COBL: variants seen among roughly 807,000 people sequenced by gnomAD.
COBL encodes protein cordon-bleu.
COBL carries 51 observed loss-of-function variants against 98.8 expected under a neutral mutation model. The observed-to-expected ratio is 0.52, with a 90% CI of 0.41 to 0.65. The LOEUF (loss-of-function observed/expected upper bound fraction) is 0.65, where lower values mean the gene tolerates loss of function less well. Among genes scored for constraint, COBL ranks in the 30% least tolerant of loss-of-function variants. The pLI is 0.00. For synonymous variants in COBL, 634 were observed against 651.7 expected, an observed-to-expected ratio of 0.97 and a Z score of 0.41; for missense variants, 1,617 against 1,617.5, an observed-to-expected ratio of 1.00 and a Z score of 0.01.
At chr7:51,174,911 T>G (rs1377390097) in intron 5 of COBL, among the ~76,000 whole-genome samples, 9 of 152,228 alleles carry the variant, frequency 5.9e-5, no homozygotes, top group African/African-American at 2.2e-4. Flanking sequence ...ATATCTGGTC[T>G]AAGTCGGCAG....
At chr7:51,144,498 G>A (rs1784844784) in intron 5 of COBL, among the ~76,000 whole-genome samples, 1 of 152,324 alleles carries the variant, frequency 6.6e-6, no homozygotes, top group East Asian at 1.9e-4. Flanking sequence ...GCCAGATCAA[G>A]CATTGGCTGT....
At chr7:51,166,138 TGAA>T (rs756614595) in intron 5 of COBL, among the ~76,000 whole-genome samples, 4 of 151,680 alleles carry the variant, frequency 2.6e-5, no homozygotes, top group African/African-American at 7.3e-5. Context: ...GAAATTAAAA[TGAA>T]GACAATAATA....
intron 1 of COBL, among the ~76,000 whole-genome samples, chr7:51,246,084 T>C (rs930931778): frequency 2.6e-5 from 4 of 152,202 alleles, no homozygotes; most frequent in African/African-American, 9.7e-5. Context: ...AAATATCTAG[T>C]AGCATTTAGA....
intron 8 of COBL, among the ~76,000 whole-genome samples, chr7:51,036,285 C>G (rs1788625155): frequency 7.4e-6 from 1 of 134,534 alleles, no homozygotes; most frequent in Non-Finnish European, 1.5e-5. Context: ...TGCAGTGAGC[C>G]AAGATCGCAC....
intron 5 of COBL, among the ~76,000 whole-genome samples, chr7:51,157,995 T>C (rs1786362797): frequency 6.6e-6 from 1 of 152,204 alleles, no homozygotes; most frequent in Non-Finnish European, 1.5e-5. Context: ...TCACTATACT[T>C]CTTAAAATAT....
chr7:51,018,968 T>A (rs554884353), intron 12 of COBL, among the ~76,000 whole-genome samples: 5 of 136,082 alleles, frequency 3.7e-5, no homozygotes, highest in South Asian at 4.8e-4. Flanking sequence ...TTTTTTGCAA[T>A]TTTTTTTAAG....
At chr7:51,105,667 A>G (rs2128968460) in intron 6 of COBL, among the ~76,000 whole-genome samples, 1 of 150,696 alleles carries the variant, frequency 6.6e-6, no homozygotes, top group East Asian at 2.0e-4. Flanking sequence ...AGGAGGATTG[A>G]TTGAGCCCAG....
Position 51,190,214 on chromosome 7 carries a change from A to AT in COBL, c.685+635dup, listed in dbSNP as rs200145010. ...GCAACTGAAAAAGAAAATCAAGATA[A>AT]TTTTTTTTTTAAAGAGACAGGGTCT... On this transcript the variant is annotated intron_variant, in intron 4 of 12. Transcript: ENST00000265136. Among the ~76,000 whole-genome samples, 1,123 of 150,772 alleles carry AT rather than the reference A, an allele frequency of 7.4e-3. 13 individuals are homozygous for AT. The highest frequency in any genetic ancestry group is 0.026 in the African/African-American group (1,076 of 41,118).
In COBL at chr7:51,064,191, A is replaced by G. The variant is rs1463431968; in HGVS notation, c.1097-20499T>C. Among the ~76,000 whole-genome samples, 3 of 152,082 alleles carry G rather than the reference A, an allele frequency of 2.0e-5. No homozygotes were observed. In the East Asian group the frequency reaches 5.8e-4, roughly 29 times the overall value. Reference sequence around the variant, plus strand: ...GTGTGGCACTCCCTTGGCTACTGTGATTGGTTCAGGAACTCGCATGTGGCT... The same window carrying G: ...GTGTGGCACTCCCTTGGCTACTGTGGTTGGTTCAGGAACTCGCATGTGGCT... On this transcript the variant is annotated intron_variant, in intron 7 of 12. Coordinates refer to ENST00000265136, the MANE Select transcript of COBL (RefSeq NM_015198.5).
At chr7:51,092,752 T>C (rs1394992792) in intron 6 of COBL, among the ~76,000 whole-genome samples, 2 of 152,196 alleles carry the variant, frequency 1.3e-5, no homozygotes, top group Non-Finnish European at 2.9e-5. Flanking sequence ...TTGCTCAAGA[T>C]TTGGATTCTT....
intron 1 of COBL, among the ~76,000 whole-genome samples, chr7:51,263,557 A>T (rs1797911988): frequency 6.6e-6 from 1 of 151,862 alleles, no homozygotes; most frequent in Non-Finnish European, 1.5e-5. Flanking sequence ...TTTTTCACAC[A>T]GTGGGTGGAG....
chr7:51,071,854 C>T (rs548201918), intron 7 of COBL: 3 of 151,906 alleles, frequency 2.0e-5, no homozygotes, highest in African/African-American at 7.3e-5. Flanking sequence ...AGACTTTCCC[C>T]ATTTAATGAT....
At chr7:51,146,024 T>C (rs1297013034) in intron 5 of COBL, among the ~76,000 whole-genome samples, 1 of 152,188 alleles carries the variant, frequency 6.6e-6, no homozygotes, top group Non-Finnish European at 1.5e-5. Flanking sequence ...CTCATTTTTA[T>C]TCTCTCTTAA....
At chr7:51,224,734 T>C (rs1004676178) in intron 1 of COBL, among the ~76,000 whole-genome samples, 1 of 152,144 alleles carries the variant, frequency 6.6e-6, no homozygotes, top group Non-Finnish European at 1.5e-5. Context: ...TGGCTCACTG[T>C]AACCTCTGCC....
At chr7:51,203,461 CAAA>C (rs1165738166) in intron 2 of COBL, among the ~76,000 whole-genome samples, 1 of 12,070 alleles carries the variant, frequency 8.3e-5, no homozygotes, top group Admixed American at 7.8e-4. Context: ...GACTCCGTCT[CAAA>C]AAAAAAAAAA....
intron 2 of COBL, among the ~76,000 whole-genome samples, chr7:51,202,755 G>A (rs887886114): frequency 5.8e-4 from 88 of 152,276 alleles, no homozygotes; most frequent in African/African-American, 2.0e-3. Context: ...TAAAAAGAAG[G>A]AAGGGCCGGG....
intron 6 of COBL, among the ~76,000 whole-genome samples, chr7:51,120,662 C>A (rs1449610032): frequency 1.3e-5 from 2 of 151,968 alleles, no homozygotes; most frequent in African/African-American, 2.4e-5. Flanking sequence ...GCCCTGGCAA[C>A]CATCATCCTA....
chr7:51,097,013 C>G lies in COBL; in HGVS notation c.958-11709G>C, dbSNP rs574009546. Among the ~76,000 whole-genome samples, 3 of 152,134 alleles carry G rather than the reference C, an allele frequency of 2.0e-5. No individual in the cohort carries two copies. The South Asian group carries it at 6.2e-4, about 32-fold the overall frequency. On this transcript the variant is annotated intron_variant, in intron 6 of 12. Coordinates refer to ENST00000265136, the MANE Select transcript of COBL (RefSeq NM_015198.5). Reference sequence around the variant, plus strand: ...TTATGATGCCAGCAGGACCCTGACACCAAAAATAAGACAAAGATAGTATAA... The same window carrying G: ...TTATGATGCCAGCAGGACCCTGACAGCAAAAATAAGACAAAGATAGTATAA...
intron 1 of COBL, among the ~76,000 whole-genome samples, chr7:51,226,271 T>G (rs1014709359): frequency 6.6e-6 from 1 of 152,188 alleles, no homozygotes; most frequent in Non-Finnish European, 1.5e-5. Context: ...CTCTCCTGGC[T>G]AAGAGAGTCT....
Sources: allele counts gnomAD v4.1 joint callset (sites outside exome capture counted in the v4.1 genomes callset), GRCh38; gene constraint gnomAD v4.1.1; transcripts MANE v1.5; gene names NCBI Gene and HGNC (gene_info 2026-07-23, HGNC 2026-07-21).